Variants in CADM2 observed in about 807,000 individuals in gnomAD.
CADM2 encodes the protein immunoglobulin superfamily member 4D.
CADM2 carries 12 observed loss-of-function variants against 49.8 expected under a neutral mutation model. The ratio of observed to expected loss-of-function variants is 0.24; its 90% CI spans 0.15 to 0.39. The LOEUF (loss-of-function observed/expected upper bound fraction) is 0.39. CADM2 is among the 10% of genes least tolerant of loss of function. The pLI is 1.00. For synonymous variants in CADM2, 214 were observed against 175.4 expected (o/e 1.22, Z -1.74); for missense variants, 378 against 492.3 (o/e 0.77, Z 2.20).
At chr3:85,790,054 T>C (rs1299554378) in intron 2 of CADM2, among the ~76,000 whole-genome samples, 2 of 152,176 alleles carry the variant, frequency 1.3e-5, no homozygotes, top group Non-Finnish European at 2.9e-5. Flanking sequence ...TTTGGGATAT[T>C]GTAAATTAAG....
intron 1 of CADM2, among the ~76,000 whole-genome samples, chr3:85,634,652 A>G (rs1039768665): frequency 6.6e-6 from 1 of 152,020 alleles, no homozygotes; most frequent in Non-Finnish European, 1.5e-5. Context: ...CCTCTGAAGA[A>G]TTTATGTCCT....
chr3:85,094,397 G>A (rs546204717), intron 1 of CADM2, among the ~76,000 whole-genome samples: 4 of 152,042 alleles, frequency 2.6e-5, no homozygotes, highest in Non-Finnish European at 2.9e-5. Flanking sequence ...TTTTATAAAT[G>A]TATATTTATT....
chr3:85,037,236 A>AT (rs2035258590), intron 1 of CADM2, among the ~76,000 whole-genome samples: 1 of 152,186 alleles, frequency 6.6e-6, no homozygotes, highest in Non-Finnish European at 1.5e-5. Context: ...GGCTGTAGCC[A>AT]AGAGTAGTTA....
chr3:86,013,305 T>G lies in CADM2; in HGVS notation c.970+51658T>G, dbSNP rs1731788483. ...GCAAGATGAGGACATTTTACCTCTA[T>G]CCCTTGAAGAGAAGGAAAACAAAGA... On this transcript the variant is annotated intron_variant, in intron 8 of 9. Transcript: ENST00000383699. 3 of 1,541,338 alleles carry G rather than the reference T, an allele frequency of 1.9e-6. No individual in the cohort carries two copies. The South Asian group carries it at 3.4e-5, about 17-fold the overall frequency.
chr3:86,004,801 T>C (rs183304653), intron 8 of CADM2, among the ~76,000 whole-genome samples: 172 of 152,344 alleles, frequency 1.1e-3, no homozygotes, highest in Non-Finnish European at 1.5e-3. Context: ...AACCTATCAA[T>C]GTCTTGTGAC....
At chr3:85,382,878 T>G (rs1281954144) in intron 1 of CADM2, among the ~76,000 whole-genome samples, 1 of 152,198 alleles carries the variant, frequency 6.6e-6, no homozygotes, top group Non-Finnish European at 1.5e-5. Context: ...TCAATAAAAC[T>G]GCCAACACTT....
chr3:85,954,216 T>C (rs1723778092), intron 7 of CADM2, among the ~76,000 whole-genome samples: 1 of 151,040 alleles, frequency 6.6e-6, no homozygotes, highest in Admixed American at 6.6e-5. Flanking sequence ...TGAGGTACAC[T>C]GCAATGACCT....
chr3:85,404,480 C>G (rs905333896), intron 1 of CADM2, among the ~76,000 whole-genome samples: 7 of 151,906 alleles, frequency 4.6e-5, no homozygotes, highest in African/African-American at 1.7e-4. Context: ...ATTTTCATAG[C>G]CTATGGTGGA....
intron 1 of CADM2, among the ~76,000 whole-genome samples, chr3:85,551,581 T>C (rs2061803530): frequency 6.6e-6 from 1 of 152,162 alleles, no homozygotes; most frequent in African/African-American, 2.4e-5. Flanking sequence ...TATTTTGTCT[T>C]TTCAAAAATC....
At chr3:86,054,128 A>G (rs886980385) in intron 8 of CADM2, among the ~76,000 whole-genome samples, 12 of 152,054 alleles carry the variant, frequency 7.9e-5, no homozygotes, top group African/African-American at 2.9e-4. Context: ...GAGAACATCT[A>G]TTTAAGCTTA....
chr3:85,626,167 A>G (rs1332789576), intron 1 of CADM2, among the ~76,000 whole-genome samples: 1 of 151,966 alleles, frequency 6.6e-6, no homozygotes, highest in Non-Finnish European at 1.5e-5. Context: ...TATTCTTTGG[A>G]GATTTGAAAT....
At chr3:85,483,361 T>G (rs1284182033) in intron 1 of CADM2, among the ~76,000 whole-genome samples, 1 of 151,388 alleles carries the variant, frequency 6.6e-6, no homozygotes, top group Non-Finnish European at 1.5e-5. Context: ...TAAGTATCAT[T>G]TCTTATGAAA....
intron 1 of CADM2, among the ~76,000 whole-genome samples, chr3:85,683,205 C>T (rs919680965): frequency 1.3e-5 from 2 of 149,404 alleles, no homozygotes; most frequent in African/African-American, 4.9e-5. Flanking sequence ...TTTTATATCC[C>T]CTGCTCTCTC....
intron 8 of CADM2, among the ~76,000 whole-genome samples, chr3:85,975,581 A>T (rs1441650820): frequency 3.3e-5 from 5 of 151,544 alleles, no homozygotes; most frequent in Admixed American, 6.6e-5. Context: ...TCAATTGCTG[A>T]CTCTTCACTC....
intron 1 of CADM2, among the ~76,000 whole-genome samples, chr3:85,441,549 T>C (rs1373679586): frequency 2.6e-5 from 4 of 152,126 alleles, no homozygotes; most frequent in Non-Finnish European, 4.4e-5. Context: ...CTTGGAAAGA[T>C]AAATATGAAA....
chr3:85,818,448 C>A (rs1479770825), intron 3 of CADM2, among the ~76,000 whole-genome samples: 4 of 152,298 alleles, frequency 2.6e-5, no homozygotes, highest in South Asian at 4.1e-4. Context: ...ATACTGGCAG[C>A]TACTTTTACT....
intron 3 of CADM2, among the ~76,000 whole-genome samples, chr3:85,869,034 GT>G (rs1175718050): frequency 2.6e-5 from 4 of 151,548 alleles, no homozygotes; most frequent in East Asian, 1.9e-4. Flanking sequence ...ATATTTTTCT[GT>G]TTTTTTGTAG....
chr3:85,153,005 A>G (rs1347016090), intron 1 of CADM2, among the ~76,000 whole-genome samples: 1 of 152,038 alleles, frequency 6.6e-6, no homozygotes, highest in Non-Finnish European at 1.5e-5. Flanking sequence ...TTCAATTGGC[A>G]ATATGAAGAA....
At chr3:85,353,997 A>C (rs548807042) in intron 1 of CADM2, among the ~76,000 whole-genome samples, 1 of 152,140 alleles carries the variant, frequency 6.6e-6, no homozygotes, top group East Asian at 1.9e-4. Context: ...CAAAGTACAA[A>C]TATTACTCTT....
Sources: allele counts gnomAD v4.1 joint callset (sites outside exome capture counted in the v4.1 genomes callset), GRCh38; gene constraint gnomAD v4.1.1; transcripts MANE v1.5; gene names NCBI Gene and HGNC (gene_info 2026-07-23, HGNC 2026-07-21).